CFAP97: variants seen among roughly 807,000 people sequenced by gnomAD.
CFAP97 encodes cilia- and flagella-associated protein 97.
Under a neutral mutation model 43.1 loss-of-function variants are expected in CFAP97, and 36 were observed. That is an observed-to-expected ratio of 0.84 (90% CI 0.64 to 1.10). The LOEUF is 1.10. Ranked by LOEUF, CFAP97 falls within the 50% of genes least tolerant of loss-of-function variation. The pLI is 0.00. For synonymous variants in CFAP97, 228 were observed against 225.7 expected, an observed-to-expected ratio of 1.01 and a Z score of -0.09; for missense variants, 657 against 620.3, an observed-to-expected ratio of 1.06 and a Z score of -0.63.
At position 185,191,161 on chromosome 4, in the gene CFAP97, C is replaced by CGCCCCGTCTCCCTCTCCCG; in HGVS notation, c.35_36insCGGGAGAGGGAGACGGGGC (p.Asp13GlyfsTer12). The CGCCCCGTCTCCCTCTCCCG allele has an allele frequency of 1.3e-6, 2 of 1,595,570 alleles. No individual in the cohort carries two copies. The highest frequency in any genetic ancestry group is 1.7e-5 in the Admixed American group (1 of 57,390). ...AGTCACTGTCAAAGAAAGAATGGTC[C>CGCCCCGTCTCCCTCTCCCG]ACTTCACCTTCTAATATATCTCCAA... On this transcript the variant is annotated frameshift_variant, in exon 2 of 5. Transcript: ENST00000458385. LOFTEE classifies it high-confidence loss of function.
At chr4:185,182,744 C>T (rs1282987572) in intron 2 of CFAP97, among the ~76,000 whole-genome samples, 1 of 152,164 alleles carries the variant, frequency 6.6e-6, no homozygotes, top group Non-Finnish European at 1.5e-5. Flanking sequence ...TTCAATTTTA[C>T]ATTCTTTTAT....
chr4:185,196,667 A>G (rs750882744), intron 1 of CFAP97, among the ~76,000 whole-genome samples: 2 of 152,188 alleles, frequency 1.3e-5, no homozygotes, highest in Non-Finnish European at 2.9e-5. Flanking sequence ...GTACTATGAT[A>G]CATAAAGATG....
At chr4:185,206,428 T>C (rs1361252262), upstream of CFAP97, among the ~76,000 whole-genome samples, 1 of 151,968 alleles carries the variant, frequency 6.6e-6, no homozygotes, top group Admixed American at 6.6e-5. Context: ...CCCAGCACTT[T>C]GGGAGGCCAA....
Position 185,162,031 on chromosome 4 carries a change from C to T in CFAP97, c.*767G>A, listed in dbSNP as rs1472161425. The T allele has an allele frequency of 6.6e-6, 1 of 152,184 alleles. No individual in the cohort carries two copies. The highest frequency in any genetic ancestry group is 6.5e-5 in the Admixed American group (1 of 15,270). The allele number at this position is 152,184 out of a possible 1,614,324, so 9.4% of individuals were successfully genotyped here. A position where few individuals can be genotyped will look rare whatever the true frequency, so the allele number is the denominator to read the frequency against. ...ACTGATGTGGTCCTTAAACTATTCA[C>T]GAGTTAGAAGACTAGCTCTAAAACC... On this transcript the variant is annotated 3_prime_UTR_variant, in exon 5 of 5. Coordinates refer to ENST00000458385, the MANE Select transcript of CFAP97 (RefSeq NM_020827.3).
At position 185,161,141 on chromosome 4, in the gene CFAP97, TAC is replaced by T. The variant is rs1734859956; in HGVS notation, c.*1655_*1656del. The stretch of plus-strand genomic sequence containing the variant: ...TGGTTTAGTATAGCTCAAGCTTATA[TAC>T]ACAGCAGGTATAGTAACTTGTTCAC... On this transcript the variant is annotated 3_prime_UTR_variant, in exon 5 of 5. Coordinates refer to ENST00000458385, the MANE Select transcript of CFAP97 (RefSeq NM_020827.3). The T allele has an allele frequency of 6.6e-6, 1 of 152,170 alleles. No individual in the cohort carries two copies. Among genetic ancestry groups the T allele is most frequent in the African/African-American group, 2.4e-5 (1 of 41,456 alleles). The allele number at this position is 152,170 out of a possible 1,614,324, so 9.4% of individuals were successfully genotyped here.
chr4:185,209,946 C>T, upstream of CFAP97: 4 of 983,578 alleles, frequency 4.1e-6, no homozygotes, highest in Non-Finnish European at 4.8e-6. The surrounding 1 kb of genome is among the most constrained non-coding windows in gnomAD (Gnocchi z 5.2). Context: ...CCCCGGGGGA[C>T]GCGGAGGCAG....
At chr4:185,209,645 C>A, upstream of CFAP97, 3 of 736,778 alleles carry the variant, frequency 4.1e-6, no homozygotes, top group Non-Finnish European at 5.0e-6. This position sits in a 1 kb window ranked among gnomAD's most constrained non-coding sequence, Gnocchi z 5.2. Flanking sequence ...CCGGCAGCTA[C>A]GGGCCCAGCG....
At chr4:185,201,061 C>T (rs1369440757) in intron 1 of CFAP97, among the ~76,000 whole-genome samples, 6 of 152,074 alleles carry the variant, frequency 3.9e-5, no homozygotes, top group African/African-American at 1.2e-4. Context: ...CTGTGGCTCA[C>T]GCCTGTAATC....
At chr4:185,202,943 T>TTTA (rs1296882830) in intron 1 of CFAP97, among the ~76,000 whole-genome samples, 12 of 152,210 alleles carry the variant, frequency 7.9e-5, no homozygotes, top group Non-Finnish European at 1.2e-4. Context: ...GAAAAATGAC[T>TTTA]TAATAAAGTA....
intron 1 of CFAP97, among the ~76,000 whole-genome samples, chr4:185,197,951 A>T (rs1736630850): frequency 6.6e-6 from 1 of 152,198 alleles, no homozygotes; most frequent in African/African-American, 2.4e-5. Flanking sequence ...TGGGAATAAG[A>T]AAGCGAAAGA....
At chr4:185,194,820 T>A (rs1736466474) in intron 1 of CFAP97, among the ~76,000 whole-genome samples, 1 of 152,200 alleles carries the variant, frequency 6.6e-6, no homozygotes, top group African/African-American at 2.4e-5. Context: ...AAGTTAAGAA[T>A]TGACCTTTAA....
At position 185,162,844 on chromosome 4, in the gene CFAP97, GGGT is replaced by G. The variant is rs1282605999; in HGVS notation, c.1550_1552del (p.His517del). On this transcript the variant is annotated inframe_deletion, in exon 5 of 5. Coordinates refer to ENST00000458385, the MANE Select transcript of CFAP97 (RefSeq NM_020827.3). ...ATTAGGGGGTTTAGGTCTTCTTCGA[GGGT>G]GGCCACTGGAGGGGTCAACCGCTGA... 6.2e-7 allele frequency: 1 copy of G among 1,612,656 alleles called. No homozygotes were observed.
At position 185,160,375 on chromosome 4, in the gene CFAP97, A is replaced by T. The variant is rs1734835656; in HGVS notation, c.*2423T>A. The T allele has an allele frequency of 6.6e-6, 1 of 151,510 alleles. No homozygotes were observed. Among genetic ancestry groups the T allele is most frequent in the Admixed American group, 6.6e-5 (1 of 15,170 alleles). 9.4% of individuals were successfully genotyped at this position (151,510 alleles called of 1,614,324 possible). Reference sequence around the variant, plus strand: ...CATATATTCAGTACAAGTCAAAAAAAAAATAAAATAAAATAGTGCCAGACC... The same window carrying T: ...CATATATTCAGTACAAGTCAAAAAATAAATAAAATAAAATAGTGCCAGACC... On this transcript the variant is annotated 3_prime_UTR_variant, in exon 5 of 5. Coordinates refer to ENST00000458385, the MANE Select transcript of CFAP97 (RefSeq NM_020827.3).
At chr4:185,197,138 A>G (rs1736591842) in intron 1 of CFAP97, among the ~76,000 whole-genome samples, 1 of 151,216 alleles carries the variant, frequency 6.6e-6, no homozygotes, top group African/African-American at 2.4e-5. Context: ...TGTAGCTTAA[A>G]TTACAAATAT....
chr4:185,201,723 T>C (rs1205710770), intron 1 of CFAP97, among the ~76,000 whole-genome samples: 3 of 152,214 alleles, frequency 2.0e-5, no homozygotes, highest in African/African-American at 7.2e-5. Context: ...ACTCGCTTTA[T>C]TCCAAGATTT....
At chr4:185,206,347 A>G (rs774867871), upstream of CFAP97, among the ~76,000 whole-genome samples, 18 of 152,196 alleles carry the variant, frequency 1.2e-4, no homozygotes, top group Non-Finnish European at 2.4e-4. Context: ...TCCACATAAC[A>G]ACATTAAGAT....
intron 1 of CFAP97, among the ~76,000 whole-genome samples, chr4:185,195,286 C>T (rs1242095954): frequency 6.6e-6 from 1 of 151,964 alleles, no homozygotes; most frequent in African/African-American, 2.4e-5. Flanking sequence ...CCCAGGAGTT[C>T]CAGACCACAT....
chr4:185,162,700 TA>T lies in CFAP97; in HGVS notation c.*97del. 8.3e-6 allele frequency: 11 copies of T among 1,325,082 alleles called. No individual in the cohort carries two copies. The highest frequency in any genetic ancestry group is 1.2e-5 in the Non-Finnish European group (11 of 949,242). 82.1% of individuals were successfully genotyped at this position (1,325,082 alleles called of 1,614,324 possible). On this transcript the variant is annotated 3_prime_UTR_variant, in exon 5 of 5. Coordinates refer to ENST00000458385, the MANE Select transcript of CFAP97 (RefSeq NM_020827.3). ...CTCACTGTTGTACACCTTCAATTGCTAAAACGGTATTCTAGATGTTTACACA... is the reference window on the plus strand; with the variant it reads ...CTCACTGTTGTACACCTTCAATTGCTAAACGGTATTCTAGATGTTTACACA...
intron 2 of CFAP97, among the ~76,000 whole-genome samples, chr4:185,187,744 A>T (rs1170980471): frequency 6.6e-6 from 1 of 151,194 alleles, no homozygotes; most frequent in Non-Finnish European, 1.5e-5. Flanking sequence ...CAATCTCAAC[A>T]GCATACTAGA....
Sources: allele counts gnomAD v4.1 joint callset (sites outside exome capture counted in the v4.1 genomes callset), GRCh38; gene constraint gnomAD v4.1.1; non-coding constraint Gnocchi (gnomAD v3.1); transcripts MANE v1.5; gene names NCBI Gene and HGNC (gene_info 2026-07-23, HGNC 2026-07-21).